The following DISP3 variants were observed in gnomAD, a reference collection of about 807,000 sequenced individuals.
DISP3 encodes protein dispatched homolog 3.
DISP3 carries 101 observed loss-of-function variants against 135.3 expected under a neutral mutation model. That is an observed-to-expected ratio of 0.75 (90% CI 0.64 to 0.88). The LOEUF (loss-of-function observed/expected upper bound fraction) is 0.88, where lower values mean the gene tolerates loss of function less well. Among genes scored for constraint, DISP3 ranks in the 40% least tolerant of loss-of-function variants. The pLI, the probability that DISP3 is intolerant of heterozygous loss-of-function variation, is 0.00. For synonymous variants in DISP3, 856 were observed against 817.0 expected, an observed-to-expected ratio of 1.05 and a Z score of -0.81; for missense variants, 1,713 against 1,878.6, an observed-to-expected ratio of 0.91 and a Z score of 1.63.
chr1:11,510,361 A>G (rs966101573), intron 3 of DISP3, among the ~76,000 whole-genome samples: 2 of 152,038 alleles, frequency 1.3e-5, no homozygotes, highest in African/African-American at 4.8e-5. Flanking sequence ...GGTTTATAGT[A>G]TACATCTTTA....
Position 11,501,771 on chromosome 1 carries a change from G to A in DISP3, c.779G>A (p.Arg260His), listed in dbSNP as rs113535064. 3 of 1,593,752 alleles carry A rather than the reference G, an allele frequency of 1.9e-6. No individual in the cohort carries two copies. The African/African-American group carries it at 4.0e-5, about 21-fold the overall frequency. The change falls in exon 2 of 21, where the codon CGC becomes CAC. Residue 260 changes from arginine (R) to histidine (H), a missense_variant. Physicochemically the swap from Arg to His is conservative, Grantham distance 29. Coordinates refer to ENST00000294484, the MANE Select transcript of DISP3 (RefSeq NM_020780.2). This position sits in a 1 kb window ranked among gnomAD's most constrained non-coding sequence, Gnocchi z 4.9. ...RRGASRWDYS[R>H]AYVSANTQTH... ...GGCGCCTCGCGCTGGGACTACTCGC[G>A]CGCCTATGTGAGTGCCAACACTCAG... is the stretch of plus-strand genomic sequence containing the variant.
intron 3 of DISP3, among the ~76,000 whole-genome samples, chr1:11,503,137 T>C (rs748773196): frequency 1.7e-4 from 26 of 152,224 alleles, no homozygotes; most frequent in Admixed American, 3.3e-4. Context: ...AATCCTAGAC[T>C]CTGCCCTGGA....
At chr1:11,525,045 A>C in intron 11 of DISP3, 131 bp from the exon 12 acceptor site, 1 of 1,086,100 alleles carries the variant, frequency 9.2e-7, no homozygotes. Context: ...GGGCACAGCC[A>C]GCATTTTGAG....
intron 1 of DISP3, among the ~76,000 whole-genome samples, chr1:11,496,150 A>T (rs1641325594): frequency 6.6e-6 from 1 of 152,012 alleles, no homozygotes; most frequent in South Asian, 2.1e-4. Flanking sequence ...TTGACTGCAG[A>T]TATGGCTTTG....
At chr1:11,533,404 C>T (rs539012914) in intron 17 of DISP3, among the ~76,000 whole-genome samples, 35 of 151,710 alleles carry the variant, frequency 2.3e-4, no homozygotes, top group East Asian at 3.9e-4. Context: ...TACAAGTGTG[C>T]GCCACCACAC....
rs1477561679 is a variant in DISP3 at position 11,536,302 on chromosome 1, C to T, written c.3817-22C>T. ...GGGGTCCCGCAGGCAGGCTGGGCTC[C>T]CAGCTCTCCTCTTGCCCCCAGGACG... On this transcript the variant is annotated intron_variant, in intron 20 of 20. Coordinates refer to ENST00000294484, the MANE Select transcript of DISP3 (RefSeq NM_020780.2). This position sits in a 1 kb window ranked among gnomAD's most constrained non-coding sequence, Gnocchi z 4.3. The T allele has an allele frequency of 6.3e-7, 1 of 1,586,322 alleles. No homozygotes were observed. Among genetic ancestry groups the T allele is most frequent in the Admixed American group, 1.7e-5 (1 of 59,322 alleles).
intron 15 of DISP3, among the ~76,000 whole-genome samples, chr1:11,530,207 T>G (rs943733102): frequency 2.6e-5 from 4 of 152,220 alleles, no homozygotes; most frequent in Non-Finnish European, 4.4e-5. Flanking sequence ...TGTGAGGGAC[T>G]GGAATGGAGA....
chr1:11,501,491 C>G lies in DISP3; in HGVS notation c.499C>G (p.Gln167Glu). The G allele has an allele frequency of 6.2e-7, 1 of 1,606,574 alleles. No individual in the cohort carries two copies. Among genetic ancestry groups the G allele is most frequent in the Non-Finnish European group, 8.5e-7 (1 of 1,176,570 alleles). Residue 167 changes from glutamine (Q) to glutamate (E), a missense_variant, in exon 2 of 21, where the codon CAA (glutamine) becomes GAA (glutamate). By Grantham distance (29) the Gln-to-Glu change is conservative. Transcript: ENST00000294484. The surrounding 1 kb of genome is among the most constrained non-coding windows in gnomAD (Gnocchi z 4.9). ...QQLHLGNRSR[Q>E]ASRAPRVIPA... is the part of the protein sequence containing the mutation. ...GCTGCATCTCGGCAACCGCTCGCGG[C>G]AAGCCTCCCGAGCCCCCCGCGTCAT...
At position 11,525,300 on chromosome 1, in the gene DISP3, G is replaced by A. The variant is rs1256516851; in HGVS notation, c.2601G>A (p.Val867=). ...WQAVSPGDGE[V]PSFQVYRAPF... is the part of the protein sequence containing the mutation. ...CTGTGTCGCCTGGGGATGGAGAGGT[G>A]CCCTCCTTCCAGGTGAGCCTGGGCT... The change falls in exon 12 of 21, where the codon GTG becomes GTA. Residue 867 remains valine (V), a synonymous_variant. Transcript: ENST00000294484. The A allele has an allele frequency of 1.9e-6, 3 of 1,613,470 alleles. No individual in the cohort carries two copies. Among genetic ancestry groups the A allele is most frequent in the Non-Finnish European group, 2.5e-6 (3 of 1,179,702 alleles).
chr1:11,518,770 C>CTG (rs1172581033), intron 7 of DISP3, among the ~76,000 whole-genome samples: 1 of 152,092 alleles, frequency 6.6e-6, no homozygotes, highest in African/African-American at 2.4e-5. Flanking sequence ...CTGGGTTCAT[C>CTG]TGTGTGTGAG....
chr1:11,497,237 G>A (rs1641360360), intron 1 of DISP3, among the ~76,000 whole-genome samples: 1 of 151,892 alleles, frequency 6.6e-6, no homozygotes, highest in Admixed American at 6.6e-5. Context: ...TAGGTTATTG[G>A]GGTACAGGTG....
intron 13 of DISP3, among the ~76,000 whole-genome samples, chr1:11,528,254 A>G (rs1309499391): frequency 6.6e-6 from 1 of 152,180 alleles, no homozygotes; most frequent in Non-Finnish European, 1.5e-5. Context: ...GCTAGCACCC[A>G]GTGTGAAGTC....
chr1:11,492,841 C>T (rs1031815921), intron 1 of DISP3, among the ~76,000 whole-genome samples: 1 of 152,112 alleles, frequency 6.6e-6, no homozygotes, highest in Non-Finnish European at 1.5e-5. Context: ...CAGCCATACC[C>T]CTTCCTCTAT....
intron 10 of DISP3, among the ~76,000 whole-genome samples, chr1:11,522,823 C>G (rs1570131336): frequency 3.4e-5 from 5 of 147,604 alleles, no homozygotes; most frequent in East Asian, 2.0e-4. Flanking sequence ...AGGACCCAGC[C>G]AGAGCCCAGC....
At chr1:11,487,199 C>T (rs1161351953) in intron 1 of DISP3, among the ~76,000 whole-genome samples, 2 of 152,166 alleles carry the variant, frequency 1.3e-5, no homozygotes, top group Non-Finnish European at 2.9e-5. Flanking sequence ...AAAGAATGTC[C>T]CCCACCCCAG....
At chr1:11,489,992 C>G (rs1168463506) in intron 1 of DISP3, among the ~76,000 whole-genome samples, 1 of 152,134 alleles carries the variant, frequency 6.6e-6, no homozygotes, top group Non-Finnish European at 1.5e-5. Context: ...ATCTTTTTAT[C>G]TTTTATTAAC....
intron 1 of DISP3, among the ~76,000 whole-genome samples, chr1:11,480,016 G>T (rs549735279): frequency 6.6e-6 from 1 of 152,200 alleles, no homozygotes; most frequent in Non-Finnish European, 1.5e-5. Context: ...TGGGCAGCCG[G>T]GCAGTGGCGG....
intron 3 of DISP3, among the ~76,000 whole-genome samples, chr1:11,507,427 GCTTTCT>G (rs1641736928): frequency 6.6e-6 from 1 of 152,148 alleles, no homozygotes; most frequent in African/African-American, 2.4e-5. Context: ...TTTTTCCGAG[GCTTTCT>G]GCTTAGGTTT....
At chr1:11,495,273 C>T (rs550331365) in intron 1 of DISP3, among the ~76,000 whole-genome samples, 113 of 152,276 alleles carry the variant, frequency 7.4e-4, no homozygotes, top group South Asian at 1.5e-3. Flanking sequence ...TGCCTGTAGT[C>T]CCAGCTACTC....
Sources: allele counts gnomAD v4.1 joint callset (sites outside exome capture counted in the v4.1 genomes callset), GRCh38; gene constraint gnomAD v4.1.1; non-coding constraint Gnocchi (gnomAD v3.1); transcripts MANE v1.5; gene names NCBI Gene and HGNC (gene_info 2026-07-23, HGNC 2026-07-21).